The following PRKG1 variants were observed in gnomAD, a reference collection of about 807,000 sequenced individuals.
The protein encoded by PRKG1 is protein kinase cGMP-dependent 1.
Under a neutral mutation model 88.1 loss-of-function variants are expected in PRKG1, and 35 were observed. The ratio of observed to expected loss-of-function variants is 0.40; its 90% CI spans 0.30 to 0.53. The LOEUF (loss-of-function observed/expected upper bound fraction) is 0.53. Among genes scored for constraint, PRKG1 ranks in the 20% least tolerant of loss-of-function variants. PRKG1 has a pLI of 0.59. For synonymous variants in PRKG1, 303 were observed against 292.5 expected (o/e 1.04, Z -0.37); for missense variants, 540 against 839.8 (o/e 0.64, Z 4.41).
chr10:51,384,872 T>C (rs942878602), intron 2 of PRKG1, among the ~76,000 whole-genome samples: 1 of 152,208 alleles, frequency 6.6e-6, no homozygotes, highest in Admixed American at 6.5e-5. Context: ...GATGATAAAA[T>C]AGTAAATTAA....
chr10:51,436,278 G>A (rs898898087), intron 2 of PRKG1, among the ~76,000 whole-genome samples: 1 of 151,722 alleles, frequency 6.6e-6, no homozygotes, highest in African/African-American at 2.4e-5. Flanking sequence ...GAAAGGGCAA[G>A]CGTAAGGATA....
At chr10:51,164,218 G>C (rs966683149) in intron 2 of PRKG1, among the ~76,000 whole-genome samples, 7 of 152,180 alleles carry the variant, frequency 4.6e-5, no homozygotes, top group African/African-American at 1.7e-4. Flanking sequence ...GGAACGATCA[G>C]ACAGCAGCAT....
In PRKG1 at chr10:51,273,895, C is replaced by T. The variant is rs73337575; in HGVS notation, c.478+120565C>T. On this transcript the variant is annotated intron_variant, in intron 2 of 17. Coordinates refer to ENST00000373980, the MANE Select transcript of PRKG1 (RefSeq NM_006258.4). Reference sequence around the variant, plus strand: ...TATAAGCATTAGTTTCCTGAGTAGACAGCATGAGGCGCCTGCGCAGGTTAG... The same window carrying T: ...TATAAGCATTAGTTTCCTGAGTAGATAGCATGAGGCGCCTGCGCAGGTTAG... Among the ~76,000 whole-genome samples, 857 of 152,342 alleles carry T rather than the reference C, an allele frequency of 5.6e-3. 12 individuals are homozygous for T. Among genetic ancestry groups the T allele is most frequent in the African/African-American group, 0.019 (810 of 41,578 alleles).
intron 2 of PRKG1, among the ~76,000 whole-genome samples, chr10:51,423,664 A>C (rs975839112): frequency 6.6e-6 from 1 of 152,196 alleles, no homozygotes; most frequent in East Asian, 1.9e-4. Flanking sequence ...ATTGCCAATT[A>C]ATAATATAAA....
chr10:51,100,618 C>G (rs530720360), intron 1 of PRKG1, among the ~76,000 whole-genome samples: 6 of 152,190 alleles, frequency 3.9e-5, no homozygotes, highest in Admixed American at 3.9e-4. Flanking sequence ...TCTATCTTAT[C>G]AAATAAATAT....
At chr10:51,829,943 T>TAAAAAC (rs1305159180) in intron 4 of PRKG1, among the ~76,000 whole-genome samples, 2 of 152,262 alleles carry the variant, frequency 1.3e-5, no homozygotes, top group African/African-American at 4.8e-5. Context: ...AATGTTATGG[T>TAAAAAC]AAAAACAAAA....
At chr10:51,270,998 C>T (rs577478200) in intron 2 of PRKG1, among the ~76,000 whole-genome samples, 114 of 152,284 alleles carry the variant, frequency 7.5e-4, no homozygotes, top group African/African-American at 2.7e-3. Context: ...AGAGATCCTC[C>T]TTCTTAACCT....
At chr10:51,797,520 G>T (rs1839046628) in intron 3 of PRKG1, among the ~76,000 whole-genome samples, 1 of 143,902 alleles carries the variant, frequency 6.9e-6, no homozygotes, top group Admixed American at 7.0e-5. Context: ...AGAATATATA[G>T]ATAAATTTGT....
upstream of PRKG1, among the ~76,000 whole-genome samples, chr10:51,070,159 C>T (rs1381779900): frequency 6.6e-6 from 1 of 152,102 alleles, no homozygotes; most frequent in Non-Finnish European, 1.5e-5. Flanking sequence ...AGCTCTACAT[C>T]ACCTAGTCTG....
intron 9 of PRKG1, among the ~76,000 whole-genome samples, chr10:52,193,023 G>C (rs1839406034): frequency 6.6e-6 from 1 of 151,940 alleles, no homozygotes; most frequent in Non-Finnish European, 1.5e-5. Context: ...TTTTTAGTTG[G>C]CAGGAAGTGC....
chr10:51,031,193 G>A (rs962059876), intron 1 of PRKG1, among the ~76,000 whole-genome samples: 1 of 152,028 alleles, frequency 6.6e-6, no homozygotes, highest in African/African-American at 2.4e-5. Flanking sequence ...AAATTTCTAG[G>A]TGGTAGATTG....
At chr10:51,282,265 C>T (rs1840320343) in intron 2 of PRKG1, among the ~76,000 whole-genome samples, 1 of 152,066 alleles carries the variant, frequency 6.6e-6, no homozygotes, top group African/African-American at 2.4e-5. Flanking sequence ...ATGAGGAAGA[C>T]AGAATTTTGT....
At chr10:51,465,195 G>A (rs1839869941) in intron 2 of PRKG1, among the ~76,000 whole-genome samples, 1 of 151,922 alleles carries the variant, frequency 6.6e-6, no homozygotes, top group Non-Finnish European at 1.5e-5. Flanking sequence ...TGATGTAATG[G>A]GTCCATAGAT....
At chr10:51,615,093 A>G (rs1459060809) in intron 3 of PRKG1, among the ~76,000 whole-genome samples, 2 of 142,358 alleles carry the variant, frequency 1.4e-5, no homozygotes, top group Non-Finnish European at 3.1e-5. Flanking sequence ...GAATATATCC[A>G]TCTTTGAATA....
At chr10:51,787,864 C>A (rs1838767077) in intron 3 of PRKG1, among the ~76,000 whole-genome samples, 1 of 152,092 alleles carries the variant, frequency 6.6e-6, no homozygotes, top group Non-Finnish European at 1.5e-5. Flanking sequence ...GGCTTATTAC[C>A]TATGAGGTGA....
At chr10:51,338,262 C>G (rs984781999) in intron 2 of PRKG1, among the ~76,000 whole-genome samples, 1 of 152,050 alleles carries the variant, frequency 6.6e-6, no homozygotes. Flanking sequence ...CTAATGCATT[C>G]TGGCCATACC....
chr10:51,561,444 G>A (rs933068496), intron 3 of PRKG1, among the ~76,000 whole-genome samples: 5 of 152,092 alleles, frequency 3.3e-5, no homozygotes, highest in Admixed American at 6.5e-5. Context: ...AGTAATAACC[G>A]TTTACTGAGG....
At chr10:51,596,451 G>A (rs1589116981) in intron 3 of PRKG1, among the ~76,000 whole-genome samples, 1 of 152,220 alleles carries the variant, frequency 6.6e-6, no homozygotes, top group South Asian at 2.1e-4. Context: ...AAATTCCAGA[G>A]TCATAATTTT....
chr10:52,062,784 T>G lies in PRKG1; in HGVS notation c.935+153T>G, dbSNP rs1015976287. On this transcript the variant is annotated intron_variant, in intron 7 of 17. Coordinates refer to ENST00000373980, the MANE Select transcript of PRKG1 (RefSeq NM_006258.4). Reference sequence around the variant, plus strand: ...ATGATAAATACATTTTTATTTATTTTCAGCTGGACTTGGAATCTGTTTGAA... The same window carrying G: ...ATGATAAATACATTTTTATTTATTTGCAGCTGGACTTGGAATCTGTTTGAA... The G allele has an allele frequency of 5.4e-6, 4 of 736,040 alleles. No homozygotes were observed. In the African/African-American group the frequency reaches 6.9e-5, roughly 13 times the overall value. 45.6% of individuals were successfully genotyped at this position (736,040 alleles called of 1,614,324 possible). A position where few individuals can be genotyped will look rare whatever the true frequency, so the allele number is the denominator to read the frequency against.
Sources: allele counts gnomAD v4.1 joint callset (sites outside exome capture counted in the v4.1 genomes callset), GRCh38; gene constraint gnomAD v4.1.1; transcripts MANE v1.5; gene names NCBI Gene and HGNC (gene_info 2026-07-23, HGNC 2026-07-21).